COG5: variants seen among roughly 807,000 people sequenced by gnomAD.
The protein encoded by COG5 is conserved oligomeric Golgi complex subunit 5.
In COG5, 86 loss-of-function variants were observed where a neutral mutation model predicts 110.4. The observed-to-expected ratio is 0.78, with a 90% CI of 0.65 to 0.93. The LOEUF (loss-of-function observed/expected upper bound fraction) is 0.93. COG5 is among the 40% of genes least tolerant of loss of function. The probability of loss-of-function intolerance (pLI) is 0.00; values close to 1 mark genes in which losing one functional copy is unlikely to be tolerated. For missense variants in COG5, 1,077 were observed against 987.0 expected (o/e 1.09, Z -1.22); for synonymous variants, 360 against 334.6 (o/e 1.08, Z -0.83).
intron 8 of COG5, among the ~76,000 whole-genome samples, chr7:107,365,913 T>A (rs1750505684): frequency 6.6e-6 from 1 of 152,070 alleles, no homozygotes; most frequent in Non-Finnish European, 1.5e-5. Flanking sequence ...GCTTCAGGTA[T>A]CTCCCTTCAG....
chr7:107,359,869 C>T (rs1011958257), intron 10 of COG5, among the ~76,000 whole-genome samples: 3 of 151,514 alleles, frequency 2.0e-5, no homozygotes, highest in Non-Finnish European at 4.4e-5. Flanking sequence ...CCTACCCACT[C>T]CAGGTCTCCT....
At chr7:107,230,556 A>G in intron 19 of COG5, 59 bp downstream of exon 19, 1 of 1,288,834 alleles carries the variant, frequency 7.8e-7, no homozygotes, top group Non-Finnish European at 1.1e-6. Flanking sequence ...TTCAACCTGC[A>G]CAGAAAGGAT....
chr7:107,513,067 A>C (rs1255022852), intron 6 of COG5, among the ~76,000 whole-genome samples: 7 of 151,704 alleles, frequency 4.6e-5, no homozygotes, highest in Admixed American at 3.3e-4. Flanking sequence ...TAAACTAAAG[A>C]GCTTCTACAC....
intron 10 of COG5, among the ~76,000 whole-genome samples, chr7:107,361,680 G>C (rs1360262865): frequency 1.3e-5 from 2 of 152,184 alleles, no homozygotes; most frequent in Non-Finnish European, 2.9e-5. Context: ...TCCTGCCTCA[G>C]CCTCCCGAGT....
intron 10 of COG5, among the ~76,000 whole-genome samples, chr7:107,344,225 G>A (rs984046294): frequency 1.3e-5 from 2 of 152,146 alleles, no homozygotes; most frequent in Non-Finnish European, 2.9e-5. Context: ...TACCTTCATT[G>A]ATGATTTTAG....
intron 7 of COG5, among the ~76,000 whole-genome samples, chr7:107,403,122 T>C (rs970473597): frequency 1.3e-5 from 2 of 152,182 alleles, no homozygotes; most frequent in Non-Finnish European, 2.9e-5. Flanking sequence ...TTATTTGCAT[T>C]TACTAAAACA....
chr7:107,340,592 C>T (rs1438880531), intron 10 of COG5, among the ~76,000 whole-genome samples: 1 of 152,032 alleles, frequency 6.6e-6, no homozygotes, highest in Non-Finnish European at 1.5e-5. Context: ...AGAAAACCAC[C>T]AGACAACATT....
chr7:107,451,733 TTTC>T (rs1184220568), intron 6 of COG5, among the ~76,000 whole-genome samples: 6 of 152,220 alleles, frequency 3.9e-5, no homozygotes, highest in Non-Finnish European at 5.9e-5. Flanking sequence ...ATACTTTCTC[TTTC>T]TTATCATTTT....
At chr7:107,283,831 TA>T (rs1805394230) in intron 12 of COG5, 99 bp from the exon 13 acceptor site, 3 of 804,208 alleles carry the variant, frequency 3.7e-6, no homozygotes, top group Non-Finnish European at 4.3e-6. Context: ...GCACCTCCCA[TA>T]AAAATGTAAC....
At chr7:107,509,368 A>G (rs1260021841) in intron 6 of COG5, among the ~76,000 whole-genome samples, 1 of 152,210 alleles carries the variant, frequency 6.6e-6, no homozygotes. Flanking sequence ...AAAAGAAATG[A>G]ACAAAGCCTC....
intron 18 of COG5, among the ~76,000 whole-genome samples, chr7:107,233,136 T>C (rs913636169): frequency 3.9e-5 from 6 of 152,200 alleles, no homozygotes; most frequent in African/African-American, 1.4e-4. Context: ...TTGCTAGAAG[T>C]ACCACTAAAT....
intron 6 of COG5, among the ~76,000 whole-genome samples, chr7:107,442,705 A>G (rs1046568096): frequency 6.6e-6 from 1 of 151,910 alleles, no homozygotes; most frequent in Non-Finnish European, 1.5e-5. Flanking sequence ...ACCAAGAGAG[A>G]TAATTTAGGG....
intron 11 of COG5, among the ~76,000 whole-genome samples, chr7:107,309,414 A>C (rs912456337): frequency 6.6e-6 from 1 of 152,154 alleles, no homozygotes; most frequent in Non-Finnish European, 1.5e-5. Context: ...ATCTCAACAG[A>C]ATGTCTGTTA....
intron 5 of COG5, among the ~76,000 whole-genome samples, chr7:107,530,327 C>T (rs778155961): frequency 1.1e-4 from 17 of 152,132 alleles, no homozygotes; most frequent in Non-Finnish European, 1.8e-4. Context: ...TTGGGCCGGA[C>T]GCAGTGGCTT....
chr7:107,515,659 T>C (rs887356370), intron 6 of COG5, among the ~76,000 whole-genome samples: 4 of 152,180 alleles, frequency 2.6e-5, no homozygotes, highest in African/African-American at 9.7e-5. Flanking sequence ...CCTGCCTCAA[T>C]TGAGGACTTT....
At chr7:107,238,454 A>G (rs1168469376) in intron 17 of COG5, among the ~76,000 whole-genome samples, 1 of 150,808 alleles carries the variant, frequency 6.6e-6, no homozygotes, top group Non-Finnish European at 1.5e-5. Context: ...TAATGCTGCA[A>G]TGAACATGGA....
intron 15 of COG5, 134 bp from the exon 16 acceptor site, chr7:107,256,928 T>G (rs1179260597): frequency 1.5e-6 from 1 of 659,298 alleles, no homozygotes; most frequent in Non-Finnish European, 2.7e-6. Context: ...AGTAATATCT[T>G]ATACATGATT....
At chr7:107,404,886 A>G (rs898436918) in intron 7 of COG5, among the ~76,000 whole-genome samples, 1 of 116,002 alleles carries the variant, frequency 8.6e-6, no homozygotes, top group Non-Finnish European at 1.6e-5. Flanking sequence ...TCAGAAGATG[A>G]AAAAAAAAAA....
intron 10 of COG5, among the ~76,000 whole-genome samples, chr7:107,344,443 T>A (rs1811428028): frequency 6.6e-6 from 1 of 152,224 alleles, no homozygotes; most frequent in African/African-American, 2.4e-5. Context: ...AGGCTTTAGC[T>A]TAAAGGAAGG....
Sources: gnomAD v4.1 joint callset for allele counts (sites outside exome capture counted in the v4.1 genomes callset) on GRCh38, gnomAD v4.1.1 for gene constraint, MANE v1.5 for transcripts, NCBI Gene and HGNC (gene_info 2026-07-23, HGNC 2026-07-21) for gene names.